The following BRF1 variants were observed in gnomAD, a reference collection of about 807,000 sequenced individuals.
BRF1 encodes transcription factor IIIB 90 kDa subunit.
Under a neutral mutation model 81.7 loss-of-function variants are expected in BRF1, and 59 were observed. The ratio of observed to expected loss-of-function variants is 0.72; its 90% CI spans 0.59 to 0.90. The LOEUF (loss-of-function observed/expected upper bound fraction) is 0.90. Among genes scored for constraint, BRF1 ranks in the 40% least tolerant of loss-of-function variants. The pLI is 0.00. For synonymous variants in BRF1, 491 were observed against 395.6 expected (o/e 1.24, Z -2.86); for missense variants, 1,050 against 936.3 (o/e 1.12, Z -1.58).
Position 105,210,033 on chromosome 14 carries a change from C to T in BRF1, c.*518G>A, listed in dbSNP as rs1353047211. On this transcript the variant is annotated 3_prime_UTR_variant, in exon 18 of 18. Transcript: ENST00000547530. This position sits in a 1 kb window ranked among gnomAD's most constrained non-coding sequence, Gnocchi z 4.7. The stretch of plus-strand genomic sequence containing the variant: ...GCTGCTGCCTCTCAAGTGCCAGATC[C>T]TCAGCTCCCACGGCTGCGCCGGACA... 4.3e-6 allele frequency: 1 copy of T among 232,942 alleles called. No homozygotes were observed. Among genetic ancestry groups the T allele is most frequent in the African/African-American group, 2.3e-5 (1 of 43,834 alleles). The allele number at this position is 232,942 out of a possible 1,614,324, so 14.4% of individuals were successfully genotyped here. A position where few individuals can be genotyped will look rare whatever the true frequency, so the allele number is the denominator to read the frequency against.
At chr14:105,222,078 A>G (rs1294545596) in intron 10 of BRF1, 164 bp from the exon 11 acceptor site, 1 of 792,762 alleles carries the variant, frequency 1.3e-6, no homozygotes, top group Non-Finnish European at 1.9e-6. Flanking sequence ...CACACCTCGC[A>G]CTGCACGCGG....
At chr14:105,279,263 G>A (rs2056971445) in intron 2 of BRF1, among the ~76,000 whole-genome samples, 1 of 152,136 alleles carries the variant, frequency 6.6e-6, no homozygotes, top group Admixed American at 6.6e-5. Flanking sequence ...CATTAAGAGA[G>A]TGAGACAAGC....
chr14:105,300,377 G>A, intron 1 of BRF1, 69 bp downstream of exon 1: 4 of 1,384,446 alleles, frequency 2.9e-6, no homozygotes, highest in Admixed American at 3.1e-5. Flanking sequence ...TCCCGGCCGC[G>A]CCGTCACCGC....
At chr14:105,248,602 G>A (rs1245378201) in intron 5 of BRF1, 2 of 963,706 alleles carry the variant, frequency 2.1e-6, no homozygotes, top group East Asian at 1.2e-4. Flanking sequence ...GGCGCCCCCC[G>A]CGGCCGGGCC....
intron 5 of BRF1, chr14:105,247,349 T>C: frequency 1.0e-6 from 1 of 985,482 alleles, no homozygotes; most frequent in Non-Finnish European, 1.2e-6. Context: ...AGTCTCAAGT[T>C]CAGCCGCCTG....
intron 1 of BRF1, among the ~76,000 whole-genome samples, chr14:105,296,746 A>C (rs1037868123): frequency 2.6e-5 from 4 of 152,154 alleles, no homozygotes; most frequent in Non-Finnish European, 5.9e-5. Flanking sequence ...CATAGGAAAC[A>C]GGACAACACA....
At chr14:105,241,204 C>G in intron 6 of BRF1, 61 bp downstream of exon 6, 2 of 1,589,974 alleles carry the variant, frequency 1.3e-6, no homozygotes, top group Non-Finnish European at 1.7e-6. Context: ...ACTCAGGAGT[C>G]AGGAAAGTGT....
chr14:105,308,003 T>A (rs1220868946), intron 1 of BRF1, among the ~76,000 whole-genome samples: 1 of 147,452 alleles, frequency 6.8e-6, no homozygotes, highest in Non-Finnish European at 1.5e-5. Flanking sequence ...GGCAACAAAG[T>A]GAGATCCCTG....
chr14:105,268,185 C>G (rs1217268165), intron 3 of BRF1, among the ~76,000 whole-genome samples: 1 of 152,256 alleles, frequency 6.6e-6, no homozygotes, highest in Non-Finnish European at 1.5e-5. Flanking sequence ...CACAAACCAG[C>G]TGTGGGCAAA....
At position 105,221,776 on chromosome 14, in the gene BRF1, G is replaced by A. The variant is rs765913603; in HGVS notation, c.1187C>T (p.Ala396Val). 3.6e-5 allele frequency: 58 copies of A among 1,611,820 alleles called. No homozygotes were observed. The highest frequency in any genetic ancestry group is 4.9e-5 in the Non-Finnish European group (58 of 1,179,764). Reference sequence around the variant, plus strand: ...TCTGCCGCCCCACTCGGGGCTTCCTGCTGCTTCCGAGCTGCCGGGGGCACC... The same window carrying A: ...TCTGCCGCCCCACTCGGGGCTTCCTACTGCTTCCGAGCTGCCGGGGGCACC... ...LGGAPGSSEAAGSPEWGGRPP... is the reference protein window; with the variant it reads ...LGGAPGSSEAVGSPEWGGRPP... The change falls in exon 11 of 18, where the codon GCA becomes GTA. Residue 396 changes from alanine to valine, a missense_variant. This residue lies in a region of BRF1 where 1,043 missense variants were observed against 915.4 expected (regional missense o/e 1.14). Coordinates refer to ENST00000547530, the MANE Select transcript of BRF1 (RefSeq NM_001519.4).
intron 1 of BRF1, among the ~76,000 whole-genome samples, chr14:105,306,256 T>C (rs181934432): frequency 6.6e-6 from 1 of 152,266 alleles, no homozygotes; most frequent in East Asian, 1.9e-4. Context: ...TCCTGGAGGC[T>C]TTCTTCATTC....
Position 105,212,473 on chromosome 14 carries a change from C to T in BRF1, c.1773-309G>A, listed in dbSNP as rs587595492. 115 of 371,934 alleles carry T rather than the reference C, an allele frequency of 3.1e-4. No individual in the cohort carries two copies. In the South Asian group the frequency reaches 3.6e-3, roughly 12 times the overall value. 23.0% of individuals were successfully genotyped at this position (371,934 alleles called of 1,614,324 possible). Reference sequence around the variant, plus strand: ...AGCCCTCAAGGAGCTGCCTGGTGCCCTACCTCACTCAGGGAGGAGGGGAGG... The same window carrying T: ...AGCCCTCAAGGAGCTGCCTGGTGCCTTACCTCACTCAGGGAGGAGGGGAGG... On this transcript the variant is annotated intron_variant, in intron 15 of 17. Coordinates refer to ENST00000547530, the MANE Select transcript of BRF1 (RefSeq NM_001519.4).
At chr14:105,241,630 A>G in intron 5 of BRF1, 1 of 627,184 alleles carries the variant, frequency 1.6e-6, no homozygotes, top group Non-Finnish European at 2.8e-6. Flanking sequence ...GCTGCCAGCC[A>G]GCCTGCTGCA....
intron 1 of BRF1, among the ~76,000 whole-genome samples, chr14:105,312,163 C>T (rs1004388658): frequency 2.0e-5 from 3 of 152,214 alleles, no homozygotes; most frequent in Non-Finnish European, 2.9e-5. Context: ...TCCTGGCGCC[C>T]GACTGGAAAA....
chr14:105,228,909 G>C lies in BRF1; in HGVS notation c.699C>G (p.Leu233=), dbSNP rs1322710523. The C allele has an allele frequency of 2.5e-6, 4 of 1,613,414 alleles. No homozygotes were observed. Among genetic ancestry groups the C allele is most frequent in the East Asian group, 2.2e-5 (1 of 44,900 alleles). The part of the protein sequence containing the change: ...RRPSGLCGAA[L]LVAARMHDFR... ...AGTCATGCATTCTGGCTGCAACCAG[G>C]AGCGCTGGAAGGCAACGAGACGGGC... Residue 233 remains leucine (L), a synonymous_variant, in exon 7 of 18, where the codon CTC becomes CTG. Transcript: ENST00000547530.
intron 4 of BRF1, 55 bp from the exon 5 acceptor site, chr14:105,252,634 C>A (rs903681917): frequency 6.4e-7 from 1 of 1,563,998 alleles, no homozygotes; most frequent in African/African-American, 1.4e-5. Flanking sequence ...GAAATGTTTG[C>A]TTTTTTTCTC....
intron 2 of BRF1, among the ~76,000 whole-genome samples, chr14:105,273,771 C>T (rs1346049894): frequency 6.6e-6 from 1 of 152,176 alleles, no homozygotes; most frequent in Non-Finnish European, 1.5e-5. Context: ...CAATACACTG[C>T]GGAAAGCTGC....
intron 3 of BRF1, among the ~76,000 whole-genome samples, chr14:105,265,935 G>A (rs781246582): frequency 6.6e-6 from 1 of 151,018 alleles, no homozygotes; most frequent in Non-Finnish European, 1.5e-5. Flanking sequence ...GGTGGGCATG[G>A]TGGCATGCAC....
Position 105,284,735 on chromosome 14 carries a change from C to T in BRF1, c.265+1561G>A, listed in dbSNP as rs969139298. On this transcript the variant is annotated intron_variant, in intron 2 of 17. Transcript: ENST00000547530. This position sits in a 1 kb window ranked among gnomAD's most constrained non-coding sequence, Gnocchi z 4.0. The stretch of plus-strand genomic sequence containing the variant: ...CAATGGTGAAGACTGGATGCTTCCC[C>T]AGGATCAAGGACAAGAGGATGTCTG... 3.9e-5 allele frequency among the ~76,000 whole-genome samples: 6 copies of T among 152,118 alleles called. No homozygotes were observed. The highest frequency in any genetic ancestry group is 8.8e-5 in the Non-Finnish European group (6 of 68,014).
Sources: allele counts gnomAD v4.1 joint callset (sites outside exome capture counted in the v4.1 genomes callset), GRCh38; gene constraint gnomAD v4.1.1; regional missense constraint gnomAD v4.1.1; non-coding constraint Gnocchi (gnomAD v3.1); transcripts MANE v1.5; gene names NCBI Gene and HGNC (gene_info 2026-07-23, HGNC 2026-07-21).